The following MYO16 variants were observed in gnomAD, a reference collection of about 807,000 sequenced individuals.
The protein encoded by MYO16 is unconventional myosin-XVI.
In MYO16, 94 loss-of-function variants were observed where a neutral mutation model predicts 205.3. That is an observed-to-expected ratio of 0.46 (90% CI 0.39 to 0.54). The LOEUF (loss-of-function observed/expected upper bound fraction) is 0.54. MYO16 is among the 20% of genes least tolerant of loss of function. The pLI is 0.00. For synonymous variants in MYO16, 988 were observed against 954.0 expected (o/e 1.04, Z -0.66); for missense variants, 2,315 against 2,387.5 (o/e 0.97, Z 0.63).
intron 10 of MYO16, among the ~76,000 whole-genome samples, chr13:108,853,386 C>T (rs1017664060): frequency 4.6e-5 from 7 of 152,150 alleles, no homozygotes; most frequent in African/African-American, 1.7e-4. Flanking sequence ...AGCATCAAAG[C>T]CTTAAAGCTA....
chr13:108,808,475 C>T (rs571050047), intron 7 of MYO16, among the ~76,000 whole-genome samples: 5 of 152,038 alleles, frequency 3.3e-5, no homozygotes, highest in African/African-American at 1.2e-4. Context: ...CCACGCCTGG[C>T]TAATTTTTTC....
intron 7 of MYO16, among the ~76,000 whole-genome samples, chr13:108,811,112 A>T (rs1887278270): frequency 6.6e-6 from 1 of 152,162 alleles, no homozygotes; most frequent in Non-Finnish European, 1.5e-5. Flanking sequence ...ACCCAAAGAT[A>T]AAAAAATATT....
chr13:108,617,464 T>C (rs574724062), intron 1 of MYO16, among the ~76,000 whole-genome samples: 1 of 152,288 alleles, frequency 6.6e-6, no homozygotes, highest in South Asian at 2.1e-4. Context: ...GGCTTTTCTG[T>C]GTATACCTGA....
chr13:108,889,924 A>G (rs901351489), intron 14 of MYO16, among the ~76,000 whole-genome samples: 3 of 151,622 alleles, frequency 2.0e-5, no homozygotes, highest in Admixed American at 2.0e-4. Context: ...TCACTTATTT[A>G]TTTACTATTA....
At chr13:108,590,343 A>G in the MYO16 span, among the ~76,000 whole-genome samples, 1 of 152,148 alleles carries the variant, frequency 6.6e-6, no homozygotes, top group African/African-American at 2.4e-5. Flanking sequence ...TAACCCTAGA[A>G]TCGGGTTTCA....
intron 5 of MYO16, among the ~76,000 whole-genome samples, chr13:108,786,117 T>G (rs541493154): frequency 5.3e-5 from 8 of 152,352 alleles, no homozygotes; most frequent in South Asian, 2.1e-4. Context: ...CTGAAGTGTA[T>G]TCTCTTAGAA....
chr13:108,602,293 G>A (rs1016930027), intron 1 of MYO16, among the ~76,000 whole-genome samples: 2 of 151,976 alleles, frequency 1.3e-5, no homozygotes, highest in African/African-American at 4.8e-5. Flanking sequence ...CAAGCATACA[G>A]CATTTCATCA....
chr13:109,048,535 T>A (rs1255913977), intron 24 of MYO16: 1 of 421,654 alleles, frequency 2.4e-6, no homozygotes, highest in Non-Finnish European at 4.3e-6. Flanking sequence ...CAAATGGATG[T>A]GACTGTATTC....
the MYO16 span, among the ~76,000 whole-genome samples, chr13:108,577,700 C>G: frequency 8.5e-5 from 13 of 152,344 alleles, no homozygotes; most frequent in East Asian, 2.5e-3. Context: ...ACACTTTGCA[C>G]TGACTACAAG....
intron 27 of MYO16, among the ~76,000 whole-genome samples, chr13:109,076,649 G>T (rs763705163): frequency 6.6e-6 from 1 of 152,106 alleles, no homozygotes; most frequent in Non-Finnish European, 1.5e-5. Context: ...CTAACACTCC[G>T]CAAGAGTAGA....
chr13:108,996,493 G>T (rs1885007201), intron 21 of MYO16, among the ~76,000 whole-genome samples: 1 of 152,132 alleles, frequency 6.6e-6, no homozygotes, highest in Non-Finnish European at 1.5e-5. Context: ...ATTGGATTAT[G>T]TGTGATAAAG....
chr13:108,957,831 A>T, intron 17 of MYO16, 32 bp downstream of exon 17: 1 of 1,486,458 alleles, frequency 6.7e-7, no homozygotes, highest in Non-Finnish European at 9.4e-7. Context: ...TCACTGAGAA[A>T]ATCAACCTTC....
intron 10 of MYO16, among the ~76,000 whole-genome samples, chr13:108,851,375 AG>A (rs1464449451): frequency 2.0e-5 from 3 of 152,224 alleles, no homozygotes; most frequent in Admixed American, 2.0e-4. Context: ...GATATTAAAA[AG>A]AAAATATATT....
At position 109,100,798 on chromosome 13, in the gene MYO16, G is replaced by T. The variant is rs1263576036; in HGVS notation, c.3349G>T (p.Ala1117Ser). Residue 1117 changes from alanine to serine, a missense_variant, in exon 28 of 35, where the codon GCT (alanine) becomes TCT (serine). Coordinates refer to ENST00000457511, the MANE Select transcript of MYO16 (RefSeq NM_001198950.3). Reference protein sequence around the residue: ...SDFLSRYKPLADTFLREKKEQ... With the variant: ...SDFLSRYKPLSDTFLREKKEQ... ...TGCTTTTCACAGGTATAAGCCACTGGCTGATACATTCCTGCGTGAGAAGAA... is the reference window on the plus strand; with the variant it reads ...TGCTTTTCACAGGTATAAGCCACTGTCTGATACATTCCTGCGTGAGAAGAA... The T allele has an allele frequency of 6.2e-7, 1 of 1,613,286 alleles. No individual in the cohort carries two copies. Among genetic ancestry groups the T allele is most frequent in the South Asian group, 1.1e-5 (1 of 91,042 alleles).
chr13:108,728,652 T>C (rs1884421341), intron 4 of MYO16, among the ~76,000 whole-genome samples: 1 of 152,226 alleles, frequency 6.6e-6, no homozygotes, highest in South Asian at 2.1e-4. Flanking sequence ...GACTTTCTTC[T>C]GTGTCAGTGT....
chr13:109,140,379 G>C lies in MYO16; in HGVS notation c.4167G>C (p.Ser1389=). ...TKLSGSYEEI[S]GSRPGDARPA... ...TCAGCGGCTCCTACGAGGAGATATC[G>C]GGGTCCCGGCCCGGGGACGCGAGGC... Residue 1389 remains serine (S), a synonymous_variant, in exon 32 of 35, where the codon TCG becomes TCC. Transcript: ENST00000457511. The surrounding 1 kb of genome is among the most constrained non-coding windows in gnomAD (Gnocchi z 8.0). 6.3e-7 allele frequency: 1 copy of C among 1,599,834 alleles called. No individual in the cohort carries two copies. Among genetic ancestry groups the C allele is most frequent in the Non-Finnish European group, 8.5e-7 (1 of 1,177,834 alleles).
In MYO16 at chr13:108,642,665, G is replaced by A. The variant is rs548216633; in HGVS notation, c.28+12793G>A. ...ACTCCTGACCTCAGGTGATCTGCTCGCCTAGGCCTCCCAAAGTGCTGGGAT... is the reference window on the plus strand; with the variant it reads ...ACTCCTGACCTCAGGTGATCTGCTCACCTAGGCCTCCCAAAGTGCTGGGAT... On this transcript the variant is annotated intron_variant, in intron 1 of 34. Transcript: ENST00000457511. 1.4e-4 allele frequency among the ~76,000 whole-genome samples: 22 copies of A among 152,138 alleles called. No individual in the cohort carries two copies. The South Asian group carries it at 3.3e-3, about 23-fold the overall frequency.
At chr13:108,554,585 C>T in the MYO16 span, among the ~76,000 whole-genome samples, 2 of 152,150 alleles carry the variant, frequency 1.3e-5, no homozygotes, top group African/African-American at 2.4e-5. Context: ...CGTGGTGGCT[C>T]ACGCCTGTAA....
At chr13:109,205,011 T>C (rs1880540575) in intron 34 of MYO16, among the ~76,000 whole-genome samples, 2 of 151,730 alleles carry the variant, frequency 1.3e-5, no homozygotes. Flanking sequence ...CCCAACAGAA[T>C]TTCTCATTTC....
Sources: allele counts gnomAD v4.1 joint callset (sites outside exome capture counted in the v4.1 genomes callset), GRCh38; gene constraint gnomAD v4.1.1; non-coding constraint Gnocchi (gnomAD v3.1); transcripts MANE v1.5; gene names NCBI Gene and HGNC (gene_info 2026-07-23, HGNC 2026-07-21).